LMNTD1: variants seen among roughly 807,000 people sequenced by gnomAD.
The protein encoded by LMNTD1 is lamin tail domain containing 1.
In LMNTD1, 35 loss-of-function variants were observed where a neutral mutation model predicts 50.9. The ratio of observed to expected loss-of-function variants is 0.69; its 90% CI spans 0.53 to 0.91. LMNTD1 has a LOEUF of 0.91. LMNTD1 is among the 40% of genes least tolerant of loss of function. The pLI is 0.00. For missense variants in LMNTD1, 470 were observed against 475.5 expected, an observed-to-expected ratio of 0.99 and a Z score of 0.11; for synonymous variants, 153 against 161.9, an observed-to-expected ratio of 0.94 and a Z score of 0.42.
At chr12:25,557,044 T>C (rs1283873779), upstream of LMNTD1, among the ~76,000 whole-genome samples, 1 of 152,224 alleles carries the variant, frequency 6.6e-6, no homozygotes, top group Non-Finnish European at 1.5e-5. Flanking sequence ...CACTATGACA[T>C]GTTCCATTAT....
chr12:25,554,892 C>T (rs546956307), upstream of LMNTD1, among the ~76,000 whole-genome samples: 7 of 152,004 alleles, frequency 4.6e-5, no homozygotes, highest in Admixed American at 3.3e-4. Context: ...GATGAAACCC[C>T]GTCTCTACTA....
Position 25,526,958 on chromosome 12 carries a change from A to T in LMNTD1, c.492-3T>A. The T allele has an allele frequency of 6.3e-7, 1 of 1,592,382 alleles. No homozygotes were observed. Among genetic ancestry groups the T allele is most frequent in the Non-Finnish European group, 8.6e-7 (1 of 1,168,416 alleles). On this transcript the variant is annotated splice_region_variant and splice_polypyrimidine_tract_variant and intron_variant, in intron 4 of 9. Coordinates refer to ENST00000458174, the MANE Select transcript of LMNTD1 (RefSeq NM_001145728.2). ...CTATTTCAACATCTCCAAGAGAACTAGAAAATAAAACACAAAGATTGTAAG... is the reference window on the plus strand; with the variant it reads ...CTATTTCAACATCTCCAAGAGAACTTGAAAATAAAACACAAAGATTGTAAG...
intron 2 of LMNTD1, among the ~76,000 whole-genome samples, chr12:25,550,486 A>G (rs1943684194): frequency 6.6e-6 from 1 of 152,206 alleles, no homozygotes; most frequent in Non-Finnish European, 1.5e-5. Context: ...AAAATGAGAC[A>G]AATGGCCAGT....
At chr12:25,547,945 A>G (rs1349640192) in intron 3 of LMNTD1, among the ~76,000 whole-genome samples, 2 of 151,848 alleles carry the variant, frequency 1.3e-5, no homozygotes, top group Non-Finnish European at 3.0e-5. Context: ...CCATACCATA[A>G]GGGGAAGCCA....
chr12:25,608,471 T>C (rs904620612), intron 1 of LMNTD1, among the ~76,000 whole-genome samples: 6 of 152,220 alleles, frequency 3.9e-5, no homozygotes, highest in Non-Finnish European at 8.8e-5. Flanking sequence ...TGACTGGTAC[T>C]GGTTGTTCTT....
chr12:25,619,575 T>C (rs1164958074), intron 1 of LMNTD1, among the ~76,000 whole-genome samples: 1 of 152,206 alleles, frequency 6.6e-6, no homozygotes, highest in African/African-American at 2.4e-5. Flanking sequence ...TTTTCCCATC[T>C]TCAGATGGTT....
At chr12:25,544,728 T>G (rs981652355) in intron 4 of LMNTD1, among the ~76,000 whole-genome samples, 1 of 151,738 alleles carries the variant, frequency 6.6e-6, no homozygotes, top group Admixed American at 6.6e-5. Flanking sequence ...GGTTTTTGCA[T>G]TGTGGTTACA....
intron 1 of LMNTD1, among the ~76,000 whole-genome samples, chr12:25,573,805 A>C (rs1944892622): frequency 6.6e-6 from 1 of 152,066 alleles, no homozygotes; most frequent in Non-Finnish European, 1.5e-5. Flanking sequence ...TGATGAGTTA[A>C]TCTTCACCTA....
At chr12:25,596,094 A>G (rs1945839708) in intron 1 of LMNTD1, among the ~76,000 whole-genome samples, 1 of 152,102 alleles carries the variant, frequency 6.6e-6, no homozygotes, top group Admixed American at 6.5e-5. Context: ...TGAAATGGTA[A>G]TTTAAAAATT....
chr12:25,499,066 A>G (rs1333634100), intron 9 of LMNTD1, among the ~76,000 whole-genome samples: 1 of 152,138 alleles, frequency 6.6e-6, no homozygotes, highest in African/African-American at 2.4e-5. Context: ...ACAGCAGGAA[A>G]GAAATTCTTT....
chr12:25,594,674 A>C (rs1239272698), intron 1 of LMNTD1, among the ~76,000 whole-genome samples: 7 of 132,948 alleles, frequency 5.3e-5, no homozygotes, highest in African/African-American at 1.6e-4. Context: ...AAAAAAAAAA[A>C]AACCCAAGGC....
At chr12:25,615,336 C>T (rs1946332081) in intron 1 of LMNTD1, among the ~76,000 whole-genome samples, 1 of 151,998 alleles carries the variant, frequency 6.6e-6, no homozygotes, top group Admixed American at 6.5e-5. Context: ...AATTCAGTTC[C>T]CTTTGCAGTA....
At chr12:25,519,436 A>G (rs547150588) in intron 7 of LMNTD1, among the ~76,000 whole-genome samples, 4 of 151,534 alleles carry the variant, frequency 2.6e-5, no homozygotes, top group African/African-American at 9.7e-5. Context: ...AATACAAAAA[A>G]AATTAGCCGG....
chr12:25,616,233 ATATT>A (rs1946351486), intron 1 of LMNTD1, among the ~76,000 whole-genome samples: 2 of 152,182 alleles, frequency 1.3e-5, no homozygotes, highest in Admixed American at 1.3e-4. Context: ...TCTAAGAAAA[ATATT>A]TAATTATTAT....
chr12:25,599,521 G>T (rs1945916546), intron 1 of LMNTD1, among the ~76,000 whole-genome samples: 1 of 152,024 alleles, frequency 6.6e-6, no homozygotes, highest in Admixed American at 6.6e-5. Context: ...ATCCTGGTTT[G>T]CAGATGATAT....
At chr12:25,522,928 G>C (rs960129709) in intron 6 of LMNTD1, among the ~76,000 whole-genome samples, 1 of 152,178 alleles carries the variant, frequency 6.6e-6, no homozygotes, top group African/African-American at 2.4e-5. Context: ...CATAAGATTT[G>C]TAGCTGTATC....
chr12:25,590,144 G>C (rs1344633995), intron 1 of LMNTD1, among the ~76,000 whole-genome samples: 1 of 141,578 alleles, frequency 7.1e-6, no homozygotes, highest in Non-Finnish European at 1.6e-5. Context: ...TGCCAAAAGA[G>C]CCACTGAAAA....
intron 1 of LMNTD1, among the ~76,000 whole-genome samples, chr12:25,571,606 A>G (rs1944800068): frequency 6.6e-6 from 1 of 151,482 alleles, no homozygotes; most frequent in South Asian, 2.1e-4. Flanking sequence ...CTCGTGATCC[A>G]CCCACCTTGG....
intron 1 of LMNTD1, among the ~76,000 whole-genome samples, chr12:25,605,482 C>T (rs1178360280): frequency 6.6e-6 from 1 of 152,128 alleles, no homozygotes; most frequent in Non-Finnish European, 1.5e-5. Context: ...TTAGGTCTAA[C>T]ATGTAAGTCT....
Sources: gnomAD v4.1 joint callset for allele counts (sites outside exome capture counted in the v4.1 genomes callset) on GRCh38, gnomAD v4.1.1 for gene constraint, MANE v1.5 for transcripts, NCBI Gene and HGNC (gene_info 2026-07-23, HGNC 2026-07-21) for gene names.